The following UBE3D variants were observed in gnomAD, a reference collection of about 807,000 sequenced individuals.
The protein encoded by UBE3D is E3 ubiquitin-protein ligase E3D.
UBE3D carries 48 observed loss-of-function variants against 49.6 expected under a neutral mutation model. The observed-to-expected ratio is 0.97, with a 90% CI of 0.77 to 1.23. UBE3D has a LOEUF of 1.23. Among genes scored for constraint, UBE3D ranks in the 50% most tolerant of loss-of-function variants. UBE3D has a pLI of 0.00. For missense variants in UBE3D, 452 were observed against 468.4 expected (o/e 0.96, Z 0.32); for synonymous variants, 189 against 174.2 (o/e 1.08, Z -0.67).
At chr6:82,911,867 C>T (rs73475798) in intron 9 of UBE3D, among the ~76,000 whole-genome samples, 1 of 152,132 alleles carries the variant, frequency 6.6e-6, no homozygotes, top group Non-Finnish European at 1.5e-5. Flanking sequence ...CTCCTGTCAT[C>T]GGTCAGAAAG....
At chr6:82,882,651 T>C in the UBE3D span, among the ~76,000 whole-genome samples, 2 of 152,202 alleles carry the variant, frequency 1.3e-5, no homozygotes, top group African/African-American at 4.8e-5. Flanking sequence ...GCCCATCTGC[T>C]TCAAACTATA....
chr6:83,048,909 T>A (rs2127830843), intron 3 of UBE3D, among the ~76,000 whole-genome samples: 1 of 152,310 alleles, frequency 6.6e-6, no homozygotes, highest in East Asian at 1.9e-4. Context: ...GGTTAGTTTT[T>A]AGGTAGAAAC....
chr6:83,012,183 G>C (rs6925769), intron 8 of UBE3D, among the ~76,000 whole-genome samples: 1 of 152,142 alleles, frequency 6.6e-6, no homozygotes, highest in Non-Finnish European at 1.5e-5. Context: ...AAGGCATTCC[G>C]TGAGTCCACG....
At chr6:83,065,254 G>A (rs908424138) in intron 1 of UBE3D, among the ~76,000 whole-genome samples, 1 of 152,220 alleles carries the variant, frequency 6.6e-6, no homozygotes, top group African/African-American at 2.4e-5. Context: ...GGAGGATCCC[G>A]AAGAGAGACA....
intron 9 of UBE3D, among the ~76,000 whole-genome samples, chr6:82,956,814 T>C (rs1027026062): frequency 6.6e-6 from 1 of 152,138 alleles, no homozygotes; most frequent in African/African-American, 2.4e-5. Context: ...TGAGCATCTG[T>C]TTGTTCATTT....
intron 9 of UBE3D, among the ~76,000 whole-genome samples, chr6:82,953,201 C>A (rs111821567): frequency 1.9e-4 from 29 of 152,334 alleles, no homozygotes; most frequent in Admixed American, 1.0e-3. Context: ...CACCTCTGCA[C>A]CTCTAATGCC....
intron 9 of UBE3D, among the ~76,000 whole-genome samples, chr6:82,902,238 A>AT: frequency 6.6e-6 from 1 of 152,226 alleles, no homozygotes; most frequent in South Asian, 2.1e-4. Flanking sequence ...TTGGCAGTTT[A>AT]TTTTTAAAAC....
At chr6:82,952,453 G>T (rs1289234223) in intron 9 of UBE3D, among the ~76,000 whole-genome samples, 1 of 151,000 alleles carries the variant, frequency 6.6e-6, no homozygotes, top group Non-Finnish European at 1.5e-5. Context: ...TTGAGATAGG[G>T]TCTCACTCTC....
intron 8 of UBE3D, among the ~76,000 whole-genome samples, chr6:83,006,852 A>G (rs186960150): frequency 3.9e-5 from 6 of 152,320 alleles, no homozygotes; most frequent in Admixed American, 2.6e-4. Context: ...AATAGAATAT[A>G]CTTAACGCTA....
chr6:83,032,722 G>A (rs1781968256), intron 5 of UBE3D, among the ~76,000 whole-genome samples: 1 of 152,090 alleles, frequency 6.6e-6, no homozygotes, highest in Non-Finnish European at 1.5e-5. Flanking sequence ...TAATCCCCAG[G>A]TGTCATAGAA....
intron 9 of UBE3D, among the ~76,000 whole-genome samples, chr6:82,954,307 T>A (rs1388112285): frequency 2.6e-5 from 4 of 152,314 alleles, no homozygotes; most frequent in South Asian, 2.1e-4. Flanking sequence ...TGGCTTATAA[T>A]TGCATTAGAA....
chr6:82,932,460 C>A (rs1774233385), intron 9 of UBE3D: 1 of 152,110 alleles, frequency 6.6e-6, no homozygotes, highest in African/African-American at 2.4e-5. Context: ...ATACTCCATG[C>A]TGTGATCTGC....
In UBE3D at chr6:83,043,620, G is replaced by A. The variant is rs560724061; in HGVS notation, c.597+808C>T. Among the ~76,000 whole-genome samples the A allele has an allele frequency of 2.0e-4, 30 of 152,106 alleles. No homozygotes were observed. The East Asian group carries it at 5.2e-3, about 26-fold the overall frequency. On this transcript the variant is annotated intron_variant, in intron 4 of 9. Transcript: ENST00000369747. ...CACCTACTGCATATTTCCTGCAGTCGCTCAGTTATTATTACAAAAATTAAA... is the reference window on the plus strand; with the variant it reads ...CACCTACTGCATATTTCCTGCAGTCACTCAGTTATTATTACAAAAATTAAA...
At chr6:83,064,066 A>G (rs1274334744) in intron 1 of UBE3D, among the ~76,000 whole-genome samples, 1 of 152,272 alleles carries the variant, frequency 6.6e-6, no homozygotes, top group Non-Finnish European at 1.5e-5. Context: ...GGAATGGACT[A>G]CTGATATATG....
chr6:82,955,183 G>A (rs1309450394), intron 9 of UBE3D, among the ~76,000 whole-genome samples: 2 of 152,162 alleles, frequency 1.3e-5, no homozygotes, highest in East Asian at 1.9e-4. Context: ...AGGGGGCAAG[G>A]CCTTCTGGGT....
At chr6:83,014,232 A>G (rs1780540287) in intron 8 of UBE3D, among the ~76,000 whole-genome samples, 1 of 152,192 alleles carries the variant, frequency 6.6e-6, no homozygotes, top group Admixed American at 6.5e-5. Context: ...TTGAACAGGG[A>G]TGTGGTAGGA....
chr6:83,000,011 C>T (rs1251111662), intron 8 of UBE3D, among the ~76,000 whole-genome samples: 3 of 152,184 alleles, frequency 2.0e-5, no homozygotes, highest in Non-Finnish European at 4.4e-5. Flanking sequence ...AGTTTCCTCC[C>T]TTAGCCTCTA....
intron 8 of UBE3D, among the ~76,000 whole-genome samples, chr6:82,996,311 AAAATAAATAAATAAATAAATAAAT>A (rs148895876): frequency 6.7e-6 from 1 of 148,586 alleles, no homozygotes; most frequent in Non-Finnish European, 1.5e-5. Context: ...TTTGAGCAAC[AAAATAAATAAATAAATAAATAAAT>A]AAATAAATAA....
intron 8 of UBE3D, among the ~76,000 whole-genome samples, chr6:83,007,876 TTGAGGCTGCAG>T (rs1408253297): frequency 6.6e-6 from 1 of 152,076 alleles, no homozygotes; most frequent in African/African-American, 2.4e-5. Flanking sequence ...GCCCAGAAGA[TTGAGGCTGCAG>T]TGAGCCGAGA....
Sources: gnomAD v4.1 joint callset for allele counts (sites outside exome capture counted in the v4.1 genomes callset) on GRCh38, gnomAD v4.1.1 for gene constraint, MANE v1.5 for transcripts, NCBI Gene and HGNC (gene_info 2026-07-23, HGNC 2026-07-21) for gene names.